ZNF248: variants seen among roughly 807,000 people sequenced by gnomAD.
ZNF248 encodes KRAB protein domain.
ZNF248 carries 20 observed loss-of-function variants against 44.3 expected under a neutral mutation model. The observed-to-expected ratio is 0.45, with a 90% CI of 0.32 to 0.66. ZNF248 has a LOEUF of 0.66. ZNF248 is among the 30% of genes least tolerant of loss of function. ZNF248 has a pLI of 0.04. For synonymous variants in ZNF248, 224 were observed against 229.0 expected (o/e 0.98, Z 0.20); for missense variants, 654 against 677.0 (o/e 0.97, Z 0.38).
intron 6 of ZNF248, among the ~76,000 whole-genome samples, chr10:37,780,810 G>A (rs1448594652): frequency 6.6e-6 from 1 of 152,146 alleles, no homozygotes; most frequent in Non-Finnish European, 1.5e-5. Flanking sequence ...CCTGGTCCTA[G>A]CCCAAACCTC....
rs1273906939 is a variant in ZNF248 at position 37,832,580 on chromosome 10, T to C, written c.775A>G (p.Ile259Val). 1.9e-6 allele frequency: 3 copies of C among 1,613,782 alleles called. No homozygotes were observed. The highest frequency in any genetic ancestry group is 2.7e-5 in the African/African-American group (2 of 75,034). ...ATTTCCAAATGAGGTCTTTGAGATATATTCAGCTTTAAACTTTCAATGAAG... is the reference window on the plus strand; with the variant it reads ...ATTTCCAAATGAGGTCTTTGAGATACATTCAGCTTTAAACTTTCAATGAAG... ...RTFIESLKLNISQRPHLEMEP... is the reference protein window; with the variant it reads ...RTFIESLKLNVSQRPHLEMEP... Residue 259 changes from isoleucine (I) to valine (V), a missense_variant, in exon 6 of 6, where the codon ATA becomes GTA. By Grantham distance (29) the Ile-to-Val change is conservative (BLOSUM62 3). Coordinates refer to ENST00000395867, the MANE Select transcript of ZNF248 (RefSeq NM_021045.3).
At chr10:37,818,699 C>A (rs2052966113) in intron 6 of ZNF248, 2 of 559,946 alleles carry the variant, frequency 3.6e-6, no homozygotes, top group Admixed American at 5.1e-5. Context: ...TATAATGCAG[C>A]AAGTAGGGGG....
Position 37,819,145 on chromosome 10 carries a change from G to A in ZNF248, c.330+13880C>T, listed in dbSNP as rs890470879. ...CTAAAAGAATATTCCCTGGTTTGAG[G>A]TCATAGTGTATGATGGGAGGTTTTA... On this transcript the variant is annotated intron_variant, in intron 6 of 6. Coordinates refer to the ZNF248 transcript ENST00000615949. The A allele has an allele frequency of 7.6e-6, 6 of 787,544 alleles. No homozygotes were observed. The African/African-American group carries it at 8.5e-5, about 11-fold the overall frequency. The allele number at this position is 787,544 out of a possible 1,614,324, so 48.8% of individuals were successfully genotyped here.
At position 37,838,109 on chromosome 10, in the gene ZNF248, T is replaced by A; in HGVS notation, c.18A>T (p.Glu6Asp). Reference sequence around the variant, plus strand: ...CACATACATCCTTGAATGACACTTGTTCCTGTAATAGTATACTCTTTTTAC... The same window carrying A: ...CACATACATCCTTGAATGACACTTGATCCTGTAATAGTATACTCTTTTTAC... MNKSQ[E>D]QVSFKDVCVD... is the part of the protein sequence containing the mutation. Residue 6 changes from glutamate to aspartate, a missense_variant and splice_region_variant, in exon 4 of 6, where the codon GAA becomes GAT. By Grantham distance (45) the Glu-to-Asp change is conservative. Coordinates refer to ENST00000395867, the MANE Select transcript of ZNF248 (RefSeq NM_021045.3). 1.9e-6 allele frequency: 3 copies of A among 1,612,206 alleles called. No homozygotes were observed. Among genetic ancestry groups the A allele is most frequent in the Non-Finnish European group, 2.5e-6 (3 of 1,178,982 alleles).
At chr10:37,823,289 G>A (rs1329692558) in intron 6 of ZNF248, among the ~76,000 whole-genome samples, 2 of 125,108 alleles carry the variant, frequency 1.6e-5, no homozygotes, top group Non-Finnish European at 3.1e-5. Flanking sequence ...ATCCGAGATT[G>A]CGCCACTGCC....
chr10:37,780,780 G>C (rs1352195919), intron 6 of ZNF248, among the ~76,000 whole-genome samples: 1 of 152,196 alleles, frequency 6.6e-6, no homozygotes, highest in South Asian at 2.1e-4. Flanking sequence ...CGCTCCCACT[G>C]CCCCCGAGCC....
Position 37,831,104 on chromosome 10 carries a change from T to C in ZNF248, c.*511A>G. The C allele has an allele frequency of 1.4e-6, 2 of 1,401,040 alleles. No homozygotes were observed. Among genetic ancestry groups the C allele is most frequent in the Non-Finnish European group, 1.9e-6 (2 of 1,071,168 alleles). The allele number at this position is 1,401,040 out of a possible 1,614,324, so 86.8% of individuals were successfully genotyped here. On this transcript the variant is annotated 3_prime_UTR_variant, in exon 6 of 6. Transcript: ENST00000395867. Reference sequence around the variant, plus strand: ...AACCTATAAAGACACCAATGGTATTTAGTGTAGAAAATATTAACAAATACC... The same window carrying C: ...AACCTATAAAGACACCAATGGTATTCAGTGTAGAAAATATTAACAAATACC...
Position 37,811,190 on chromosome 10 carries a change from T to A in ZNF248, c.330+21835A>T, listed in dbSNP as rs537256521. 2.0e-5 allele frequency among the ~76,000 whole-genome samples: 3 copies of A among 152,316 alleles called. No individual in the cohort carries two copies. In the South Asian group the frequency reaches 6.2e-4, roughly 32 times the overall value. On this transcript the variant is annotated intron_variant, in intron 6 of 6. Coordinates refer to the ZNF248 transcript ENST00000615949. The stretch of plus-strand genomic sequence containing the variant: ...TTTAGATTGAGGTGTGCAGCTGTGG[T>A]TACCCACTGTTTCAAGATAATTGAA...
intron 6 of ZNF248, among the ~76,000 whole-genome samples, chr10:37,791,087 T>G (rs1211709): frequency 0.063 from 7,701 of 121,590 alleles, 311 homozygotes; most frequent in Middle Eastern, 0.11. Flanking sequence ...AGAGTCTCAC[T>G]CTGTCTCCCA....
At position 37,837,674 on chromosome 10, in the gene ZNF248, C is replaced by G. The variant is rs201654989; in HGVS notation, c.181G>C (p.Glu61Gln). The change falls in exon 5 of 6, where the codon GAG (glutamate) becomes CAG (glutamine). Residue 61 changes from glutamate to glutamine, a missense_variant. Glu to Gln is a conservative substitution (Grantham distance 29, BLOSUM62 2). Coordinates refer to ENST00000395867, the MANE Select transcript of ZNF248 (RefSeq NM_021045.3). ...ITKPEVIFKI[E>Q]QGEEPWILEK... is the part of the protein sequence containing the mutation. ...AATATCCAGGGCTCTTCTCCTTGCT[C>G]GATCTTAAAGATCACTTCTGGTTTA... 1 of 1,614,058 alleles carries G rather than the reference C, an allele frequency of 6.2e-7. No individual in the cohort carries two copies.
At chr10:37,817,722 T>C (rs775317619) in intron 6 of ZNF248, among the ~76,000 whole-genome samples, 58 of 152,126 alleles carry the variant, frequency 3.8e-4, no homozygotes, top group Non-Finnish European at 6.8e-4. Flanking sequence ...TGAAATTATT[T>C]AGGGATAAAA....
chr10:37,817,770 T>C (rs537085309), intron 6 of ZNF248, among the ~76,000 whole-genome samples: 7 of 152,328 alleles, frequency 4.6e-5, no homozygotes, highest in African/African-American at 1.4e-4. Context: ...ACAGCATTTT[T>C]TCCCCCCGAA....
chr10:37,789,630 T>C (rs1396261799), intron 6 of ZNF248, among the ~76,000 whole-genome samples: 1 of 152,210 alleles, frequency 6.6e-6, no homozygotes, highest in Non-Finnish European at 1.5e-5. Context: ...TGTACCCAAG[T>C]ACACACAGCT....
intron 6 of ZNF248, among the ~76,000 whole-genome samples, chr10:37,780,749 C>G (rs1044091900): frequency 2.6e-5 from 4 of 152,132 alleles, no homozygotes; most frequent in Admixed American, 1.3e-4. Context: ...CACCCTCCGA[C>G]TCACAGGGAC....
intron 6 of ZNF248, among the ~76,000 whole-genome samples, chr10:37,788,975 G>GC (rs2048203621): frequency 6.6e-6 from 1 of 151,832 alleles, no homozygotes. Flanking sequence ...GGGTTCAAGC[G>GC]ATTCTCCCAC....
chr10:37,854,473 C>T (rs111485910), intron 3 of ZNF248, among the ~76,000 whole-genome samples: 3 of 152,272 alleles, frequency 2.0e-5, no homozygotes, highest in African/African-American at 7.2e-5. Flanking sequence ...CACACGAAAA[C>T]GTATTCAACC....
At chr10:37,856,683 A>C in intron 1 of ZNF248, 151 bp from the exon 2 acceptor site, 1 of 1,006,594 alleles carries the variant, frequency 9.9e-7, no homozygotes. Flanking sequence ...TGTTAACACC[A>C]TTAATGCCCT....
chr10:37,802,398 C>T (rs992541246), intron 6 of ZNF248, among the ~76,000 whole-genome samples: 20 of 152,170 alleles, frequency 1.3e-4, no homozygotes, highest in Admixed American at 7.2e-4. Flanking sequence ...ACAGGAGAGA[C>T]GCTGTGGAGG....
At chr10:37,761,659 A>T in the ZNF248 span, among the ~76,000 whole-genome samples, 1 of 152,236 alleles carries the variant, frequency 6.6e-6, no homozygotes, top group Admixed American at 6.5e-5. Context: ...GGCTTGCCAC[A>T]TGAAGATTTC....
Sources: allele counts gnomAD v4.1 joint callset (sites outside exome capture counted in the v4.1 genomes callset), GRCh38; gene constraint gnomAD v4.1.1; transcripts MANE v1.5; gene names NCBI Gene and HGNC (gene_info 2026-07-23, HGNC 2026-07-21).